Variants in PTH2R observed in about 807,000 individuals in gnomAD.
The protein encoded by PTH2R is parathyroid hormone 2 receptor, also known as PTH2 receptor.
A neutral mutation model predicts 60.3 loss-of-function variants in PTH2R; 59 were observed. That is an observed-to-expected ratio of 0.98 (90% CI 0.79 to 1.22). The LOEUF is 1.22. Ranked by LOEUF, PTH2R falls within the 50% of genes most tolerant of loss-of-function variation. The pLI, the probability that PTH2R is intolerant of heterozygous loss-of-function variation, is 0.00. For synonymous variants in PTH2R, 256 were observed against 243.8 expected (o/e 1.05, Z -0.47); for missense variants, 749 against 682.6 (o/e 1.10, Z -1.08).
chr2:208,392,345 A>T (rs1217525035), intron 1 of PTH2R, among the ~76,000 whole-genome samples: 1 of 152,166 alleles, frequency 6.6e-6, no homozygotes, highest in Non-Finnish European at 1.5e-5. Flanking sequence ...TAGGTTATTA[A>T]TAATGGCTTC....
upstream of PTH2R, among the ~76,000 whole-genome samples, chr2:208,404,278 A>G (rs1701360466): frequency 6.6e-6 from 1 of 151,750 alleles, no homozygotes; most frequent in African/African-American, 2.4e-5. Context: ...GAGAGAGGAA[A>G]TGGCATGGTA....
At chr2:208,467,138 A>T (rs550809362) in intron 9 of PTH2R, among the ~76,000 whole-genome samples, 1 of 152,260 alleles carries the variant, frequency 6.6e-6, no homozygotes, top group Admixed American at 6.5e-5. Context: ...ACTTTCCTTA[A>T]ATTTCGGGTT....
chr2:208,461,830 T>A (rs187947322), intron 9 of PTH2R, among the ~76,000 whole-genome samples: 3 of 152,212 alleles, frequency 2.0e-5, no homozygotes, highest in Non-Finnish European at 4.4e-5. Flanking sequence ...GATTTGTAAC[T>A]TGTAATGTGA....
At chr2:208,463,828 C>A (rs1702681263) in intron 9 of PTH2R, among the ~76,000 whole-genome samples, 1 of 152,148 alleles carries the variant, frequency 6.6e-6, no homozygotes, top group South Asian at 2.1e-4. Flanking sequence ...GAGGGGACTC[C>A]CAGGGATGAT....
intron 1 of PTH2R, among the ~76,000 whole-genome samples, chr2:208,420,017 C>G (rs1318607758): frequency 1.3e-5 from 2 of 152,044 alleles, no homozygotes; most frequent in Non-Finnish European, 2.9e-5. Context: ...CCATCATTCT[C>G]AGCAAACTAT....
In PTH2R at chr2:208,493,546, A is replaced by G. The variant is rs201505451; in HGVS notation, c.1540A>G (p.Lys514Glu). Reference protein sequence around the residue: ...CLPHSFHEETKEDSGRQGDDI... With the variant: ...CLPHSFHEETEEDSGRQGDDI... ...GCCACACTCTTTCCACGAGGAGACCAAGGAAGATAGTGGGAGGCAGGGAGA... is the reference window on the plus strand; with the variant it reads ...GCCACACTCTTTCCACGAGGAGACCGAGGAAGATAGTGGGAGGCAGGGAGA... The change falls in exon 13 of 13, where the codon AAG (lysine) becomes GAG (glutamate). Residue 514 changes from lysine (K) to glutamate (E), a missense_variant. Physicochemically the swap from Lys to Glu is moderately conservative, Grantham distance 56. Coordinates refer to ENST00000272847, the MANE Select transcript of PTH2R (RefSeq NM_005048.4). The G allele has an allele frequency of 4.1e-4, 658 of 1,613,822 alleles. 2 individuals are homozygous for G. The highest frequency in any genetic ancestry group is 1.7e-4 in the Non-Finnish European group (195 of 1,179,862).
intron 1 of PTH2R, among the ~76,000 whole-genome samples, chr2:208,366,420 GC>G (rs1277609243): frequency 2.0e-5 from 3 of 151,940 alleles, no homozygotes; most frequent in Admixed American, 6.6e-5. Flanking sequence ...ACTATAATAG[GC>G]CCCCCTTTTA....
chr2:208,410,683 T>C (rs1282812556), intron 1 of PTH2R, among the ~76,000 whole-genome samples: 1 of 152,224 alleles, frequency 6.6e-6, no homozygotes, highest in South Asian at 2.1e-4. Context: ...GGATATATGG[T>C]ATGATATCAT....
intron 4 of PTH2R, among the ~76,000 whole-genome samples, chr2:208,441,952 G>C (rs1702192990): frequency 6.6e-6 from 1 of 152,086 alleles, no homozygotes; most frequent in Non-Finnish European, 1.5e-5. Flanking sequence ...CAAAATAATT[G>C]AAAAGGAATG....
intron 1 of PTH2R, among the ~76,000 whole-genome samples, chr2:208,379,143 CAAAT>C (rs765846727): frequency 7.2e-5 from 11 of 152,148 alleles, no homozygotes; most frequent in Non-Finnish European, 1.6e-4. Context: ...TAGTCTCTAA[CAAAT>C]AATCATATTT....
intron 9 of PTH2R, among the ~76,000 whole-genome samples, chr2:208,469,294 A>G (rs1702828149): frequency 6.6e-6 from 1 of 152,242 alleles, no homozygotes; most frequent in African/African-American, 2.4e-5. Context: ...TATATGCATC[A>G]TATATGCTAA....
At chr2:208,384,408 G>A (rs1559204303) in intron 1 of PTH2R, among the ~76,000 whole-genome samples, 1 of 152,164 alleles carries the variant, frequency 6.6e-6, no homozygotes, top group Non-Finnish European at 1.5e-5. Flanking sequence ...CTAACTAGAG[G>A]CTCTGAAGAT....
rs1703467435 is a variant in PTH2R, at chr2:208,493,734, T to A, written c.*75T>A. 6.9e-7 allele frequency: 1 copy of A among 1,443,100 alleles called. No homozygotes were observed. The highest frequency in any genetic ancestry group is 2.5e-5 in the Admixed American group (1 of 40,096). 89.4% of individuals were successfully genotyped at this position (1,443,100 alleles called of 1,614,324 possible). A position where few individuals can be genotyped will look rare whatever the true frequency, so the allele number is the denominator to read the frequency against. ...TGAGAGGGCTTGGCTGATACTCCTATGCTTGAGTTCAAAGGCTGAAAATTC... is the reference window on the plus strand; with the variant it reads ...TGAGAGGGCTTGGCTGATACTCCTAAGCTTGAGTTCAAAGGCTGAAAATTC... On this transcript the variant is annotated 3_prime_UTR_variant, in exon 13 of 13. Transcript: ENST00000272847.
At chr2:208,477,670 T>C (rs1288448881) in intron 9 of PTH2R, among the ~76,000 whole-genome samples, 1 of 152,022 alleles carries the variant, frequency 6.6e-6, no homozygotes, top group Non-Finnish European at 1.5e-5. Flanking sequence ...TTTAAAACCA[T>C]ATTTACAAAA....
intron 1 of PTH2R, among the ~76,000 whole-genome samples, chr2:208,375,944 C>T (rs1700784209): frequency 6.6e-6 from 1 of 152,052 alleles, no homozygotes; most frequent in Admixed American, 6.5e-5. Flanking sequence ...GAGTTCCCAT[C>T]CTATCATGAA....
At chr2:208,474,543 C>T (rs778284315) in intron 9 of PTH2R, among the ~76,000 whole-genome samples, 10 of 152,262 alleles carry the variant, frequency 6.6e-5, no homozygotes, top group African/African-American at 1.9e-4. Context: ...AGGGTTTTCC[C>T]GGCATAGAGA....
intron 1 of PTH2R, among the ~76,000 whole-genome samples, chr2:208,412,549 A>G (rs1046897482): frequency 6.6e-6 from 1 of 152,236 alleles, no homozygotes; most frequent in African/African-American, 2.4e-5. Flanking sequence ...AATGAACTCC[A>G]TCACTGAGTA....
chr2:208,450,057 G>A (rs1158116235), intron 7 of PTH2R, among the ~76,000 whole-genome samples: 2 of 152,154 alleles, frequency 1.3e-5, no homozygotes, highest in African/African-American at 4.8e-5. Flanking sequence ...AATACAACAT[G>A]AGCTGGACAG....
intron 8 of PTH2R, among the ~76,000 whole-genome samples, chr2:208,454,042 G>T (rs1347946581): frequency 6.6e-6 from 1 of 152,136 alleles, no homozygotes; most frequent in East Asian, 1.9e-4. Flanking sequence ...GTGCCTCCGG[G>T]GCTGACTGCA....
Sources: gnomAD v4.1 joint callset for allele counts (sites outside exome capture counted in the v4.1 genomes callset) on GRCh38, gnomAD v4.1.1 for gene constraint, MANE v1.5 for transcripts, NCBI Gene and HGNC (gene_info 2026-07-23, HGNC 2026-07-21) for gene names.